Variants in ZNF836 observed in about 807,000 individuals in gnomAD.
ZNF836 encodes the protein zinc finger protein 836.
ZNF836 carries 12 observed loss-of-function variants against 7.4 expected under a neutral mutation model. That is an observed-to-expected ratio of 1.61 (90% CI 1.03 to 2.61). ZNF836 has a LOEUF of 2.61. Among genes scored for constraint, ZNF836 ranks in the 30% most tolerant of loss-of-function variants. The pLI, the probability that ZNF836 is intolerant of heterozygous loss-of-function variation, is 0.00. For missense variants in ZNF836, 998 were observed against 1,126.2 expected (o/e 0.89, Z 1.63); for synonymous variants, 365 against 382.6 (o/e 0.95, Z 0.54).
chr19:52,170,204 CT>C (rs1215762233), intron 1 of ZNF836, among the ~76,000 whole-genome samples: 1 of 152,182 alleles, frequency 6.6e-6, no homozygotes, highest in South Asian at 2.1e-4. Flanking sequence ...TTTTTCTCCT[CT>C]TTATGTCTGT....
intron 4 of ZNF836, among the ~76,000 whole-genome samples, chr19:52,157,968 G>A (rs1033570158): frequency 1.3e-5 from 2 of 151,760 alleles, no homozygotes; most frequent in Admixed American, 1.3e-4. Context: ...TAAAAGTAAC[G>A]TTTATACTAG....
chr19:52,160,311 A>G (rs752403777), intron 4 of ZNF836, 154 bp downstream of exon 4: 5 of 850,192 alleles, frequency 5.9e-6, no homozygotes, highest in Admixed American at 2.5e-5. Flanking sequence ...ATGGGAAATG[A>G]AAGGCCAGAT....
intron 4 of ZNF836, among the ~76,000 whole-genome samples, chr19:52,159,883 A>G (rs2089197744): frequency 6.6e-6 from 1 of 152,076 alleles, no homozygotes; most frequent in African/African-American, 2.4e-5. Flanking sequence ...CTTTGGAAGA[A>G]AAGAGAGATA....
chr19:52,163,413 T>G lies in ZNF836; in HGVS notation c.16-2822A>C, dbSNP rs529230738. The stretch of plus-strand genomic sequence containing the variant: ...TACTATAAACAGGTCAGAGAAGCCA[T>G]GCAGCAACCTGAACAATTTGCTTTG... On this transcript the variant is annotated intron_variant, in intron 3 of 4. Coordinates refer to ENST00000682614, the MANE Select transcript of ZNF836 (RefSeq NM_001102657.3). Among the ~76,000 whole-genome samples the G allele has an allele frequency of 2.6e-5, 4 of 152,338 alleles. No homozygotes were observed. In the East Asian group the frequency reaches 7.7e-4, roughly 29 times the overall value.
At chr19:52,168,210 A>G in intron 2 of ZNF836, 58 bp from the exon 3 acceptor site, 1 of 1,161,840 alleles carries the variant, frequency 8.6e-7, no homozygotes. Context: ...TTTCTGCGCT[A>G]CAACCATGCC....
Position 52,155,831 on chromosome 19 carries a change from C to A in ZNF836, c.1852G>T (p.Val618Phe), listed in dbSNP as rs755333023. 1.9e-5 allele frequency: 30 copies of A among 1,614,004 alleles called. No homozygotes were observed. The South Asian group carries it at 2.9e-4, about 15-fold the overall frequency. Residue 618 changes from valine (V) to phenylalanine (F), a missense_variant, in exon 5 of 5, where the codon GTC becomes TTC. Transcript: ENST00000682614. ...KPYKCNVCGK[V>F]FNDSGNLSNH... Reference sequence around the variant, plus strand: ...GAAAGGTTTCCACTGTCATTGAAGACCTTGCCACACACATTACATTTGTAA... The same window carrying A: ...GAAAGGTTTCCACTGTCATTGAAGAACTTGCCACACACATTACATTTGTAA...
intron 3 of ZNF836, among the ~76,000 whole-genome samples, chr19:52,167,530 C>T (rs1006745107): frequency 4.0e-5 from 6 of 148,614 alleles, no homozygotes; most frequent in African/African-American, 1.2e-4. Context: ...CTATCACTGA[C>T]GTGTGTATCT....
intron 3 of ZNF836, among the ~76,000 whole-genome samples, chr19:52,163,452 C>T (rs1331369044): frequency 6.6e-6 from 1 of 152,200 alleles, no homozygotes; most frequent in Non-Finnish European, 1.5e-5. Flanking sequence ...GTGTTTCTAA[C>T]AAACATCTTA....
Position 52,171,418 on chromosome 19 carries a change from G to C in ZNF836, c.-297C>G, listed in dbSNP as rs1386624874. 6.6e-6 allele frequency: 1 copy of C among 152,302 alleles called. No individual in the cohort carries two copies. Among genetic ancestry groups the C allele is most frequent in the African/African-American group, 2.4e-5 (1 of 41,458 alleles). 9.4% of individuals were successfully genotyped at this position (152,302 alleles called of 1,614,324 possible). ...GGTATGGACAAGGGAAGACTGCCAA[G>C]TGCACGTTCGATTCAGGCAGACGGG... On this transcript the variant is annotated 5_prime_UTR_variant, in exon 1 of 5. Transcript: ENST00000682614.
chr19:52,159,998 C>T (rs1213339751), intron 4 of ZNF836, among the ~76,000 whole-genome samples: 1 of 151,940 alleles, frequency 6.6e-6, no homozygotes, highest in Non-Finnish European at 1.5e-5. Context: ...GCCTGGGCAA[C>T]ATGGTGAAAC....
intron 3 of ZNF836, among the ~76,000 whole-genome samples, chr19:52,164,425 G>C (rs2089242743): frequency 7.1e-6 from 1 of 140,234 alleles, no homozygotes. Context: ...AGAGAAAGGA[G>C]GGAGGGAGAG....
At chr19:52,160,186 T>TA (rs35190507) in intron 4 of ZNF836, 9,776 of 368,082 alleles carry the variant, frequency 0.027, 1 homozygote, top group Middle Eastern at 0.034. Context: ...CTGTCTCCAT[T>TA]AAAAAAAAAA....
intron 4 of ZNF836, chr19:52,160,217 A>G: frequency 3.6e-6 from 2 of 555,038 alleles, no homozygotes. Context: ...GTACCATTAT[A>G]CTGACTAATA....
At chr19:52,164,461 G>A (rs1432255159) in intron 3 of ZNF836, among the ~76,000 whole-genome samples, 1 of 121,320 alleles carries the variant, frequency 8.2e-6, no homozygotes, top group Middle Eastern at 3.7e-3. Context: ...AGGAAGGAAG[G>A]AAGGAAGGAA....
intron 3 of ZNF836, among the ~76,000 whole-genome samples, chr19:52,164,408 G>C (rs1057309686): frequency 7.6e-6 from 1 of 131,274 alleles, no homozygotes; most frequent in Non-Finnish European, 1.6e-5. Context: ...AAAAAAAAGA[G>C]AAAGAAAGAG....
At chr19:52,164,878 A>C (rs1426123177) in intron 3 of ZNF836, among the ~76,000 whole-genome samples, 2 of 152,324 alleles carry the variant, frequency 1.3e-5, no homozygotes, top group South Asian at 2.1e-4. Context: ...ACTTGAGTTC[A>C]GGAGTTTGAG....
chr19:52,154,762 G>A lies in ZNF836; in HGVS notation c.*110C>T. ...AACCATTCTTGAGAAATCCACCCCT[G>A]TGATCCAATCATCTCCCACCAGGCC... On this transcript the variant is annotated 3_prime_UTR_variant, in exon 5 of 5. Coordinates refer to ENST00000682614, the MANE Select transcript of ZNF836 (RefSeq NM_001102657.3). The A allele has an allele frequency of 2.0e-6, 2 of 1,007,064 alleles. No homozygotes were observed. Among genetic ancestry groups the A allele is most frequent in the Non-Finnish European group, 2.8e-6 (2 of 712,512 alleles). The allele number at this position is 1,007,064 out of a possible 1,614,324, so 62.4% of individuals were successfully genotyped here. A position where few individuals can be genotyped will look rare whatever the true frequency, so the allele number is the denominator to read the frequency against.
At position 52,154,684 on chromosome 19, in the gene ZNF836, A is replaced by G; in HGVS notation, c.*188T>C. The G allele has an allele frequency of 2.1e-6, 1 of 478,208 alleles. No individual in the cohort carries two copies. Among genetic ancestry groups the G allele is most frequent in the Non-Finnish European group, 3.5e-6 (1 of 282,946 alleles). 29.6% of individuals were successfully genotyped at this position (478,208 alleles called of 1,614,324 possible). On this transcript the variant is annotated 3_prime_UTR_variant, in exon 5 of 5. Coordinates refer to ENST00000682614, the MANE Select transcript of ZNF836 (RefSeq NM_001102657.3). The stretch of plus-strand genomic sequence containing the variant: ...AAAAAAGCAAAACAAACAAAAAAAC[A>G]AGATCTCACCAGAACTCACTATCCC...
intron 3 of ZNF836, among the ~76,000 whole-genome samples, chr19:52,164,476 G>GGAAA (rs1373487121): frequency 9.6e-6 from 1 of 104,522 alleles, no homozygotes; most frequent in Middle Eastern, 4.9e-3. Flanking sequence ...AAGGAAGGAA[G>GGAAA]GAAAGAAAGA....
Sources: gnomAD v4.1 joint callset for allele counts (sites outside exome capture counted in the v4.1 genomes callset) on GRCh38, gnomAD v4.1.1 for gene constraint, MANE v1.5 for transcripts, NCBI Gene and HGNC (gene_info 2026-07-23, HGNC 2026-07-21) for gene names.